The following CNTNAP2 variants were observed in gnomAD, a reference collection of about 807,000 sequenced individuals.
CNTNAP2 encodes the protein contactin-associated protein-like 2.
A neutral mutation model predicts 155.2 loss-of-function variants in CNTNAP2; 98 were observed. The observed-to-expected ratio is 0.63, with a 90% confidence interval of 0.54 to 0.75. The LOEUF (loss-of-function observed/expected upper bound fraction) is 0.75. CNTNAP2 is among the 30% of genes least tolerant of loss of function. The pLI, the probability that CNTNAP2 is intolerant of heterozygous loss-of-function variation, is 0.00. For synonymous variants in CNTNAP2, 651 were observed against 631.2 expected (o/e 1.03, Z -0.47); for missense variants, 1,727 against 1,688.1 (o/e 1.02, Z -0.40).
chr7:148,342,603 AT>A (rs976675893), intron 21 of CNTNAP2, among the ~76,000 whole-genome samples: 4 of 152,322 alleles, frequency 2.6e-5, no homozygotes, highest in South Asian at 4.2e-4. Flanking sequence ...GTCAAAATTC[AT>A]TTTTTAATAC....
At chr7:146,426,212 T>TAAAAAAAAAAAAA (rs1554431713) in intron 1 of CNTNAP2, among the ~76,000 whole-genome samples, 36 of 113,192 alleles carry the variant, frequency 3.2e-4, no homozygotes, top group African/African-American at 1.2e-3. Context: ...AAAAAAAAAT[T>TAAAAAAAAAAAAA]AAAACTTAAG....
At chr7:148,329,358 G>A (rs1272545706) in intron 21 of CNTNAP2, among the ~76,000 whole-genome samples, 1 of 152,200 alleles carries the variant, frequency 6.6e-6, no homozygotes, top group Admixed American at 6.5e-5. Context: ...AGTCCCCGGT[G>A]GCTCAGGCAC....
At chr7:147,138,010 A>G (rs1433824532) in intron 8 of CNTNAP2, among the ~76,000 whole-genome samples, 1 of 151,932 alleles carries the variant, frequency 6.6e-6, no homozygotes, top group East Asian at 1.9e-4. Flanking sequence ...GATTGAATAA[A>G]TAAATAAATC....
At chr7:147,550,524 A>C (rs1799831293) in intron 11 of CNTNAP2, among the ~76,000 whole-genome samples, 1 of 152,204 alleles carries the variant, frequency 6.6e-6, no homozygotes, top group Admixed American at 6.5e-5. Context: ...TTTCCTTTAT[A>C]AATTACCCAG....
intron 11 of CNTNAP2, among the ~76,000 whole-genome samples, chr7:147,555,139 G>C (rs1294594864): frequency 1.3e-5 from 2 of 152,048 alleles, no homozygotes; most frequent in African/African-American, 4.8e-5. Flanking sequence ...TCAGTTTCAT[G>C]GTTTCTAATG....
At chr7:147,759,030 T>C (rs1291878935) in intron 13 of CNTNAP2, among the ~76,000 whole-genome samples, 2 of 152,188 alleles carry the variant, frequency 1.3e-5, no homozygotes, top group Non-Finnish European at 2.9e-5. Context: ...ACCTTATTTA[T>C]TGTTTTCTAT....
chr7:147,634,369 G>A (rs1349664181), intron 12 of CNTNAP2, among the ~76,000 whole-genome samples: 2 of 152,140 alleles, frequency 1.3e-5, no homozygotes, highest in Admixed American at 1.3e-4. Context: ...ACCAAATATT[G>A]TATGTTCTCA....
intron 8 of CNTNAP2, among the ~76,000 whole-genome samples, chr7:147,234,331 A>ATT (rs1170759781): frequency 4.1e-4 from 33 of 80,010 alleles, no homozygotes; most frequent in Non-Finnish European, 5.4e-4. Flanking sequence ...TCCCAAGAGT[A>ATT]TTCTTTTTTT....
At chr7:146,761,684 A>C (rs1182747824) in intron 1 of CNTNAP2, among the ~76,000 whole-genome samples, 2 of 150,854 alleles carry the variant, frequency 1.3e-5, no homozygotes, top group Non-Finnish European at 2.9e-5. Flanking sequence ...TAAATATTAA[A>C]ACTGTCCTTA....
chr7:147,024,483 C>CTGT (rs1360944106), intron 3 of CNTNAP2, among the ~76,000 whole-genome samples: 4 of 152,136 alleles, frequency 2.6e-5, no homozygotes, highest in Non-Finnish European at 5.9e-5. Context: ...AGGAACTCAA[C>CTGT]TGTATTAGTC....
intron 8 of CNTNAP2, among the ~76,000 whole-genome samples, chr7:147,243,034 T>A (rs1803978114): frequency 7.6e-6 from 1 of 131,772 alleles, no homozygotes; most frequent in African/African-American, 2.9e-5. Context: ...AGTCTTGTTC[T>A]GTCGCCAGGC....
chr7:146,209,086 C>T (rs567940066), intron 1 of CNTNAP2, among the ~76,000 whole-genome samples: 4 of 152,114 alleles, frequency 2.6e-5, no homozygotes, highest in Non-Finnish European at 5.9e-5. Context: ...AAAACTTGAG[C>T]TCCTTTGATG....
chr7:147,460,790 A>C (rs1185217079), intron 10 of CNTNAP2, among the ~76,000 whole-genome samples: 1 of 152,228 alleles, frequency 6.6e-6, no homozygotes, highest in African/African-American at 2.4e-5. Context: ...ATTAACCATT[A>C]GATACCATCT....
At chr7:146,439,270 C>G (rs1796286470) in intron 1 of CNTNAP2, among the ~76,000 whole-genome samples, 1 of 151,572 alleles carries the variant, frequency 6.6e-6, no homozygotes, top group South Asian at 2.1e-4. Flanking sequence ...TATGTTTTCT[C>G]TCATATAGTA....
chr7:148,082,472 G>A (rs1335279798), intron 15 of CNTNAP2, among the ~76,000 whole-genome samples: 2 of 152,140 alleles, frequency 1.3e-5, no homozygotes, highest in East Asian at 1.9e-4. Context: ...CATATGAGGC[G>A]AGGCTAGGGA....
intron 1 of CNTNAP2, among the ~76,000 whole-genome samples, chr7:146,330,472 T>C (rs1175892561): frequency 3.9e-5 from 6 of 152,116 alleles, no homozygotes; most frequent in Non-Finnish European, 2.9e-5. Context: ...ATTGTATGTA[T>C]AAAAATTACT....
At chr7:147,461,551 C>T (rs543592566) in intron 10 of CNTNAP2, among the ~76,000 whole-genome samples, 6 of 151,684 alleles carry the variant, frequency 4.0e-5, no homozygotes, top group South Asian at 2.1e-4. Context: ...TTAACAAAAC[C>T]GATTTTCATT....
At chr7:148,062,028 A>AGAGAGAGTGTGTGTGTGT (rs1388530831) in intron 15 of CNTNAP2, among the ~76,000 whole-genome samples, 1 of 105,976 alleles carries the variant, frequency 9.4e-6, no homozygotes, top group Non-Finnish European at 2.0e-5. Context: ...AGAGAGAGAG[A>AGAGAGAGTGTGTGTGTGT]GTGTGTGTGT....
chr7:146,548,840 G>A (rs1454544397), intron 1 of CNTNAP2, among the ~76,000 whole-genome samples: 2 of 106,452 alleles, frequency 1.9e-5, no homozygotes, highest in Admixed American at 2.0e-4. Context: ...TTCCTTTGCT[G>A]TACAGAAGCT....
Sources: gnomAD v4.1 joint callset for allele counts (sites outside exome capture counted in the v4.1 genomes callset) on GRCh38, gnomAD v4.1.1 for gene constraint, MANE v1.5 for transcripts, NCBI Gene and HGNC (gene_info 2026-07-23, HGNC 2026-07-21) for gene names.